Variants in TBC1D30 observed in about 807,000 individuals in gnomAD.
TBC1D30 encodes the protein TBC1 domain family, member 30.
A neutral mutation model predicts 63.2 loss-of-function variants in TBC1D30; 31 were observed. The observed-to-expected ratio is 0.49, with a 90% CI of 0.37 to 0.66. TBC1D30 has a LOEUF of 0.66. TBC1D30 is among the 30% of genes least tolerant of loss of function. The pLI is 0.00. For missense variants in TBC1D30, 810 were observed against 953.6 expected (o/e 0.85, Z 1.98); for synonymous variants, 307 against 361.5 (o/e 0.85, Z 1.71).
At chr12:64,759,516 G>A in exon 1 of TBC1D30, 1 of 505,730 alleles carries the variant, frequency 2.0e-6, no homozygotes, top group South Asian at 3.2e-5. Context: ...AGCCTGGAGG[G>A]AGGCATCAGG....
At chr12:64,870,898 T>A in intron 11 of TBC1D30, 90 bp downstream of exon 11, 1 of 1,269,416 alleles carries the variant, frequency 7.9e-7, no homozygotes, top group Non-Finnish European at 1.1e-6. Context: ...TTGGAATTAC[T>A]AACTGTAGCT....
In TBC1D30 at chr12:64,827,710, T is replaced by C. The variant is rs1874483106; in HGVS notation, c.155-125T>C. Reference sequence around the variant, plus strand: ...ACCTTTTGGCAAAATTGACTAAAATTTAGTAAAGATACATACTTTAAAAAA... The same window carrying C: ...ACCTTTTGGCAAAATTGACTAAAATCTAGTAAAGATACATACTTTAAAAAA... On this transcript the variant is annotated intron_variant, in intron 1 of 11. Coordinates refer to ENST00000539867, the MANE Select transcript of TBC1D30 (RefSeq NM_015279.2). The C allele has an allele frequency of 3.1e-5, 21 of 673,326 alleles. 1 individual carries two copies. The South Asian group carries it at 4.5e-4, about 15-fold the overall frequency. 41.7% of individuals were successfully genotyped at this position (673,326 alleles called of 1,614,324 possible). A position where few individuals can be genotyped will look rare whatever the true frequency, so the allele number is the denominator to read the frequency against.
chr12:64,860,090 T>G (rs1436046114), intron 8 of TBC1D30, among the ~76,000 whole-genome samples: 1 of 151,368 alleles, frequency 6.6e-6, no homozygotes, highest in Non-Finnish European at 1.5e-5. Flanking sequence ...TGAACATGGC[T>G]CACTGCAGTC....
intron 1 of TBC1D30, among the ~76,000 whole-genome samples, chr12:64,782,411 C>G (rs1871343383): frequency 6.7e-6 from 1 of 149,260 alleles, no homozygotes; most frequent in Admixed American, 6.6e-5. Flanking sequence ...TTTTCCCCAG[C>G]TGATTGTTAC....
At position 64,878,572 on chromosome 12, in the gene TBC1D30, T is replaced by C; in HGVS notation, c.*2784T>C. 1 of 456,680 alleles carries C rather than the reference T, an allele frequency of 2.2e-6. No homozygotes were observed. The highest frequency in any genetic ancestry group is 1.5e-5 in the South Asian group (1 of 64,568). 28.3% of individuals were successfully genotyped at this position (456,680 alleles called of 1,614,324 possible). ...ACATTGTATTCCTTTGTTTGTCTCT[T>C]GTTGTTCTGAAGGATTGTATTGATC... is the stretch of plus-strand genomic sequence containing the variant. On this transcript the variant is annotated 3_prime_UTR_variant, in exon 12 of 12. Coordinates refer to ENST00000539867, the MANE Select transcript of TBC1D30 (RefSeq NM_015279.2).
chr12:64,799,310 A>G (rs1433152614), intron 2 of TBC1D30, among the ~76,000 whole-genome samples: 2 of 152,160 alleles, frequency 1.3e-5, no homozygotes, highest in African/African-American at 4.8e-5. Flanking sequence ...TCATCAGTAA[A>G]ATGGGAATGA....
At chr12:64,850,655 G>A (rs1034817779) in intron 8 of TBC1D30, among the ~76,000 whole-genome samples, 2 of 152,186 alleles carry the variant, frequency 1.3e-5, no homozygotes, top group African/African-American at 4.8e-5. Flanking sequence ...GCTTTTTGAT[G>A]TGCTGCTGGA....
At chr12:64,789,265 A>G (rs1405281042) in intron 2 of TBC1D30, among the ~76,000 whole-genome samples, 1 of 149,050 alleles carries the variant, frequency 6.7e-6, no homozygotes, top group East Asian at 2.0e-4. Context: ...GCTCATTGCA[A>G]TCTCTGCTTC....
At chr12:64,861,113 T>C (rs924394419) in intron 8 of TBC1D30, among the ~76,000 whole-genome samples, 1 of 152,210 alleles carries the variant, frequency 6.6e-6, no homozygotes, top group East Asian at 1.9e-4. Context: ...TGTGGATTGA[T>C]TGATGGGATT....
At chr12:64,767,057 G>A (rs1028850510) in intron 1 of TBC1D30, among the ~76,000 whole-genome samples, 2 of 152,058 alleles carry the variant, frequency 1.3e-5, no homozygotes, top group African/African-American at 2.4e-5. Flanking sequence ...AGCTTGAAGA[G>A]TAATTTGTGG....
At chr12:64,822,001 T>A (rs918310265), upstream of TBC1D30, among the ~76,000 whole-genome samples, 3 of 152,220 alleles carry the variant, frequency 2.0e-5, no homozygotes, top group African/African-American at 7.2e-5. Flanking sequence ...TGCTTTACTT[T>A]TGCAGATGGC....
At chr12:64,845,813 C>T (rs1337158738) in intron 8 of TBC1D30, among the ~76,000 whole-genome samples, 1 of 152,024 alleles carries the variant, frequency 6.6e-6, no homozygotes, top group Admixed American at 6.6e-5. Flanking sequence ...GTGTTTGCCA[C>T]CATGCCAGGC....
chr12:64,843,567 GA>G, intron 8 of TBC1D30, 82 bp downstream of exon 8: 1 of 1,020,078 alleles, frequency 9.8e-7, no homozygotes, highest in South Asian at 1.4e-5. Context: ...GCGGTCTTGA[GA>G]AATGTGCTTG....
intron 3 of TBC1D30, 119 bp from the exon 4 acceptor site, chr12:64,830,258 A>C (rs1029622759): frequency 1.5e-5 from 14 of 965,244 alleles, no homozygotes; most frequent in Admixed American, 1.1e-4. Context: ...CTTATGAGCG[A>C]TAGATAGCTG....
intron 8 of TBC1D30, among the ~76,000 whole-genome samples, chr12:64,853,837 C>T (rs781717020): frequency 1.3e-5 from 2 of 152,210 alleles, no homozygotes; most frequent in East Asian, 3.9e-4. Context: ...TCTAACCAGT[C>T]TCAGTGAGAT....
intron 1 of TBC1D30, chr12:64,785,782 T>C (rs749255367): frequency 6.0e-6 from 6 of 993,322 alleles, no homozygotes; most frequent in Non-Finnish European, 8.0e-6. Flanking sequence ...AATTAGTTGG[T>C]TTAAATGGAT....
At chr12:64,781,058 G>A (rs1871250952) in exon 1 of TBC1D30, 1 of 1,019,226 alleles carries the variant, frequency 9.8e-7, no homozygotes, top group Non-Finnish European at 1.2e-6. Flanking sequence ...CCTGGTGAGC[G>A]GGCTGCTCAA....
intron 2 of TBC1D30, among the ~76,000 whole-genome samples, chr12:64,802,490 C>G (rs910672985): frequency 1.4e-4 from 21 of 152,080 alleles, no homozygotes; most frequent in African/African-American, 4.8e-4. Flanking sequence ...TTGTTTCTTT[C>G]TTTCTTTCTT....
At chr12:64,782,619 A>G (rs1465379090) in intron 1 of TBC1D30, among the ~76,000 whole-genome samples, 2 of 152,196 alleles carry the variant, frequency 1.3e-5, no homozygotes, top group East Asian at 3.8e-4. Flanking sequence ...ATTTTTCATC[A>G]CCGAGGGAAT....
Sources: allele counts gnomAD v4.1 joint callset (sites outside exome capture counted in the v4.1 genomes callset), GRCh38; gene constraint gnomAD v4.1.1; transcripts MANE v1.5; gene names NCBI Gene and HGNC (gene_info 2026-07-23, HGNC 2026-07-21).